Variants in VSTM1 observed in about 807,000 individuals in gnomAD.
The protein encoded by VSTM1 is V-set and transmembrane domain-containing protein 1.
Under a neutral mutation model 33.1 loss-of-function variants are expected in VSTM1, and 27 were observed. That is an observed-to-expected ratio of 0.82 (90% CI 0.60 to 1.12). The LOEUF is 1.12. VSTM1 is among the 50% of genes most tolerant of loss of function. VSTM1 has a pLI of 0.00. For missense variants in VSTM1, 304 were observed against 288.9 expected (o/e 1.05, Z -0.38); for synonymous variants, 115 against 110.3 (o/e 1.04, Z -0.27).
At chr19:54,043,672 A>T (rs758247553) in intron 4 of VSTM1, among the ~76,000 whole-genome samples, 3 of 152,114 alleles carry the variant, frequency 2.0e-5, no homozygotes, top group Admixed American at 6.5e-5. Flanking sequence ...TCGGCCTCCC[A>T]AAGTGCTGGG....
chr19:54,047,007 C>T (rs2070625060), intron 4 of VSTM1, among the ~76,000 whole-genome samples: 1 of 152,028 alleles, frequency 6.6e-6, no homozygotes, highest in Admixed American at 6.6e-5. Flanking sequence ...ACCAGCCTGA[C>T]CAACATGGAG....
At chr19:54,054,501 C>T (rs913413918) in intron 3 of VSTM1, among the ~76,000 whole-genome samples, 2 of 142,812 alleles carry the variant, frequency 1.4e-5, no homozygotes, top group East Asian at 2.0e-4. Flanking sequence ...TGTGGACCCA[C>T]GGCTACTTCT....
chr19:54,063,166 C>T (rs2071479440), intron 1 of VSTM1, among the ~76,000 whole-genome samples: 1 of 151,890 alleles, frequency 6.6e-6, no homozygotes, highest in African/African-American at 2.4e-5. Flanking sequence ...GGTGAAACCC[C>T]GTCTCTACTT....
intron 4 of VSTM1, among the ~76,000 whole-genome samples, chr19:54,042,806 G>GTGTATATATATA (rs1213654028): frequency 1.7e-5 from 1 of 57,950 alleles, no homozygotes; most frequent in Non-Finnish European, 3.2e-5. Flanking sequence ...ATATAAATGT[G>GTGTATATATATA]TATATATATA....
intron 1 of VSTM1, among the ~76,000 whole-genome samples, chr19:54,060,864 A>AT (rs546377095): frequency 2.0e-4 from 30 of 151,332 alleles, no homozygotes; most frequent in South Asian, 1.5e-3. Flanking sequence ...TGATTTTAAA[A>AT]TTTTTTTGTA....
intron 1 of VSTM1, 144 bp downstream of exon 1, chr19:54,063,600 A>G: frequency 1.0e-6 from 1 of 965,614 alleles, no homozygotes; most frequent in Admixed American, 2.3e-5. Flanking sequence ...AACTCACAGA[A>G]CCCACAGCCC....
At chr19:54,044,515 G>T (rs116936706) in intron 4 of VSTM1, among the ~76,000 whole-genome samples, 4 of 152,050 alleles carry the variant, frequency 2.6e-5, no homozygotes, top group Non-Finnish European at 5.9e-5. Flanking sequence ...AGCCGAGATC[G>T]CATCACTGCA....
intron 1 of VSTM1, among the ~76,000 whole-genome samples, chr19:54,062,885 G>A (rs1336414388): frequency 6.6e-6 from 1 of 152,188 alleles, no homozygotes; most frequent in Admixed American, 6.6e-5. Context: ...TGGGGCCTTA[G>A]GGAGGTGGAG....
At chr19:54,049,903 A>C (rs148879287) in intron 4 of VSTM1, among the ~76,000 whole-genome samples, 1 of 152,106 alleles carries the variant, frequency 6.6e-6, no homozygotes, top group Non-Finnish European at 1.5e-5. Flanking sequence ...TTAAGCATCT[A>C]GATGCCAATT....
At chr19:54,049,152 G>A (rs1328369378) in intron 4 of VSTM1, among the ~76,000 whole-genome samples, 1 of 152,152 alleles carries the variant, frequency 6.6e-6, no homozygotes, top group African/African-American at 2.4e-5. Context: ...ACAATACGAT[G>A]CTTTTCACCA....
intron 1 of VSTM1, among the ~76,000 whole-genome samples, chr19:54,060,098 C>T (rs563595968): frequency 2.6e-4 from 40 of 151,932 alleles, no homozygotes; most frequent in African/African-American, 4.8e-4. Context: ...GTGATCCACC[C>T]GCCTCGGACT....
At chr19:54,046,103 G>A (rs1337711779) in intron 4 of VSTM1, among the ~76,000 whole-genome samples, 2 of 151,730 alleles carry the variant, frequency 1.3e-5, no homozygotes, top group East Asian at 1.9e-4. Context: ...TATCTAATCT[G>A]TCCATCGTAT....
Position 54,057,677 on chromosome 19 carries a change from C to T in VSTM1, c.355+629G>A, listed in dbSNP as rs528467999. Reference sequence around the variant, plus strand: ...TACAAAAATTAGCCAGGTGTGGTGGCGCACCCCTGTAGTTCCAGCTACTCG... The same window carrying T: ...TACAAAAATTAGCCAGGTGTGGTGGTGCACCCCTGTAGTTCCAGCTACTCG... On this transcript the variant is annotated intron_variant, in intron 3 of 8. Coordinates refer to ENST00000338372, the MANE Select transcript of VSTM1 (RefSeq NM_198481.4). 5.1e-4 allele frequency among the ~76,000 whole-genome samples: 78 copies of T among 151,656 alleles called. 1 individual carries two copies. The South Asian group carries it at 0.012, about 24-fold the overall frequency.
chr19:54,047,380 C>A (rs117799865), intron 4 of VSTM1, among the ~76,000 whole-genome samples: 3,021 of 151,916 alleles, frequency 0.02, 45 homozygotes, highest in Non-Finnish European at 0.027. Flanking sequence ...GGAACCTCCC[C>A]CTCTGGGGTT....
intron 4 of VSTM1, among the ~76,000 whole-genome samples, chr19:54,045,270 C>T (rs2070516462): frequency 6.6e-6 from 1 of 152,180 alleles, no homozygotes; most frequent in African/African-American, 2.4e-5. Context: ...ACCTATCTAT[C>T]TTTATCTGTC....
At chr19:54,050,918 G>A (rs1275660917) in intron 4 of VSTM1, among the ~76,000 whole-genome samples, 1 of 151,570 alleles carries the variant, frequency 6.6e-6, no homozygotes, top group Non-Finnish European at 1.5e-5. Context: ...CTTGAACCCA[G>A]AACCCAGGAA....
At chr19:54,047,553 C>CA (rs1186490079) in intron 4 of VSTM1, among the ~76,000 whole-genome samples, 1 of 152,096 alleles carries the variant, frequency 6.6e-6, no homozygotes, top group East Asian at 1.9e-4. Flanking sequence ...TTTGGCCTCC[C>CA]AAAGTGCTGG....
intron 4 of VSTM1, among the ~76,000 whole-genome samples, chr19:54,042,820 A>ATATG (rs60606164): frequency 0.2 from 15,704 of 79,758 alleles, 1,505 homozygotes; most frequent in East Asian, 0.28. Context: ...ATATATATAT[A>ATATG]TATATATATA....
intron 4 of VSTM1, among the ~76,000 whole-genome samples, chr19:54,043,792 CAT>C (rs1341139430): frequency 2.0e-5 from 3 of 152,114 alleles, no homozygotes; most frequent in South Asian, 4.2e-4. Flanking sequence ...TAACTTCAAA[CAT>C]ATTTCCTTTT....
Sources: allele counts gnomAD v4.1 joint callset (sites outside exome capture counted in the v4.1 genomes callset), GRCh38; gene constraint gnomAD v4.1.1; transcripts MANE v1.5; gene names NCBI Gene and HGNC (gene_info 2026-07-23, HGNC 2026-07-21).